PDZRN4: variants seen among roughly 807,000 people sequenced by gnomAD.
The protein encoded by PDZRN4 is PDZ domain-containing RING finger protein 4.
In PDZRN4, 70 loss-of-function variants were observed where a neutral mutation model predicts 99.0. The ratio of observed to expected loss-of-function variants is 0.71; its 90% CI spans 0.58 to 0.86. PDZRN4 has a LOEUF of 0.86. Ranked by LOEUF, PDZRN4 falls within the 40% of genes least tolerant of loss-of-function variation. The probability of loss-of-function intolerance (pLI) is 0.00; values close to 1 mark genes in which losing one functional copy is unlikely to be tolerated. For missense variants in PDZRN4, 1,474 were observed against 1,331.2 expected (o/e 1.11, Z -1.67); for synonymous variants, 551 against 501.6 (o/e 1.10, Z -1.32).
chr12:41,548,533 T>C (rs369679139), intron 5 of PDZRN4, among the ~76,000 whole-genome samples: 1 of 152,214 alleles, frequency 6.6e-6, no homozygotes, highest in South Asian at 2.1e-4. Flanking sequence ...TGTCAACTGA[T>C]ATAAACGGCT....
At position 41,552,751 on chromosome 12, in the gene PDZRN4, C is replaced by A; in HGVS notation, c.1299C>A (p.Ser433Arg). 1 of 1,611,692 alleles carries A rather than the reference C, an allele frequency of 6.2e-7. No individual in the cohort carries two copies. The highest frequency in any genetic ancestry group is 8.5e-7 in the Non-Finnish European group (1 of 1,178,120). Residue 433 changes from serine to arginine, a missense_variant, in exon 6 of 10, where the codon AGC becomes AGA. Coordinates refer to ENST00000402685, the MANE Select transcript of PDZRN4 (RefSeq NM_001164595.2). ...AAGAAGACACCGGCATTTATGTCAG[C>A]GAGGTAAGAAACGCCATGGAGGGGA... ...DDEEDTGIYV[S>R]EVDPNSIAAK...
chr12:41,266,449 T>G (rs1188809372), intron 3 of PDZRN4, among the ~76,000 whole-genome samples: 1 of 152,212 alleles, frequency 6.6e-6, no homozygotes, highest in Non-Finnish European at 1.5e-5. Context: ...GGAGCTGGAC[T>G]GCAATTTACA....
chr12:41,423,214 T>TATAC (rs1376366496), intron 3 of PDZRN4, among the ~76,000 whole-genome samples: 2 of 152,066 alleles, frequency 1.3e-5, no homozygotes, highest in African/African-American at 4.8e-5. Flanking sequence ...GTTACATGGG[T>TATAC]ATACACATGC....
intron 3 of PDZRN4, among the ~76,000 whole-genome samples, chr12:41,273,651 AG>A (rs1370904675): frequency 6.6e-6 from 1 of 152,078 alleles, no homozygotes; most frequent in African/African-American, 2.4e-5. Context: ...TTAAAGAAAA[AG>A]TATATTCAGT....
At chr12:41,235,976 C>A (rs1951064251) in intron 3 of PDZRN4, among the ~76,000 whole-genome samples, 1 of 152,092 alleles carries the variant, frequency 6.6e-6, no homozygotes, top group South Asian at 2.1e-4. Flanking sequence ...AAGTTAGTAA[C>A]TTAGCCATTT....
chr12:41,322,487 C>CTTTTTTTTTTTTTTTTTTTTTTTTTTT (rs71081724), intron 3 of PDZRN4, among the ~76,000 whole-genome samples: 1 of 91,210 alleles, frequency 1.1e-5, no homozygotes, highest in Non-Finnish European at 1.9e-5. Flanking sequence ...ATTTTCTTTC[C>CTTTTTTTTTTTTTTTTTTTTTTTTTTT]TTTTTTTTTT....
chr12:41,267,314 T>G (rs1390777476), intron 3 of PDZRN4, among the ~76,000 whole-genome samples: 1 of 152,126 alleles, frequency 6.6e-6, no homozygotes, highest in Non-Finnish European at 1.5e-5. Context: ...CTACTGAAAT[T>G]GATCAGAACC....
At chr12:41,462,132 A>T (rs975839367) in intron 3 of PDZRN4, among the ~76,000 whole-genome samples, 2 of 152,200 alleles carry the variant, frequency 1.3e-5, no homozygotes, top group Non-Finnish European at 2.9e-5. Context: ...TCTTTTCAAG[A>T]TTAAACACAA....
chr12:41,468,055 T>C (rs910080444), intron 3 of PDZRN4, among the ~76,000 whole-genome samples: 21 of 152,256 alleles, frequency 1.4e-4, no homozygotes, highest in African/African-American at 4.8e-4. Flanking sequence ...AGAAACCCCA[T>C]GGTCTTACAT....
chr12:41,387,172 A>T (rs927386315), intron 3 of PDZRN4, among the ~76,000 whole-genome samples: 2 of 152,220 alleles, frequency 1.3e-5, no homozygotes, highest in African/African-American at 4.8e-5. Flanking sequence ...CTATCAACAG[A>T]GTACATAACC....
chr12:41,249,489 G>T (rs1457221081), intron 3 of PDZRN4, among the ~76,000 whole-genome samples: 1 of 152,140 alleles, frequency 6.6e-6, no homozygotes, highest in East Asian at 1.9e-4. Context: ...CTGTGGTCTA[G>T]ATTTGTTGCT....
intron 5 of PDZRN4, among the ~76,000 whole-genome samples, chr12:41,539,116 G>A (rs901926685): frequency 9.9e-5 from 15 of 151,654 alleles, no homozygotes; most frequent in African/African-American, 2.2e-4. Flanking sequence ...TATATTATGC[G>A]TAAATATAAT....
intron 3 of PDZRN4, among the ~76,000 whole-genome samples, chr12:41,196,771 C>G (rs754078830): frequency 6.6e-6 from 1 of 151,956 alleles, no homozygotes. Context: ...GAGAAGAAAT[C>G]TATCAATTTA....
At chr12:41,431,930 T>C (rs1952589427) in intron 3 of PDZRN4, among the ~76,000 whole-genome samples, 1 of 152,162 alleles carries the variant, frequency 6.6e-6, no homozygotes, top group Non-Finnish European at 1.5e-5. Context: ...AAAACTAGAT[T>C]AGAATCAAAA....
At chr12:41,521,179 C>G (rs895003555) in intron 5 of PDZRN4, among the ~76,000 whole-genome samples, 1 of 152,188 alleles carries the variant, frequency 6.6e-6, no homozygotes, top group African/African-American at 2.4e-5. Flanking sequence ...CAGATATTCT[C>G]TTTTCATATT....
At chr12:41,241,235 G>A (rs1490048264) in intron 3 of PDZRN4, among the ~76,000 whole-genome samples, 4 of 152,116 alleles carry the variant, frequency 2.6e-5, no homozygotes, top group Non-Finnish European at 1.5e-5. Context: ...TTTTGCTGGT[G>A]CTCACAAGGT....
At chr12:41,228,447 A>G (rs1006451064) in intron 3 of PDZRN4, among the ~76,000 whole-genome samples, 10 of 152,112 alleles carry the variant, frequency 6.6e-5, no homozygotes, top group African/African-American at 2.2e-4. Context: ...TTAGTATTAT[A>G]TGAACTGTCT....
At chr12:41,490,498 T>C (rs909031780) in intron 3 of PDZRN4, among the ~76,000 whole-genome samples, 1 of 152,164 alleles carries the variant, frequency 6.6e-6, no homozygotes, top group African/African-American at 2.4e-5. Flanking sequence ...TACAAAGTAT[T>C]AGAAATAATT....
In PDZRN4 at chr12:41,574,639, G is replaced by C. The variant is rs1353981510; in HGVS notation, c.*749G>C. Reference sequence around the variant, plus strand: ...GTCCACAGTGGTTGACAGTTATAAAGTAGTTATATGTGTATACTATTTAGA... The same window carrying C: ...GTCCACAGTGGTTGACAGTTATAAACTAGTTATATGTGTATACTATTTAGA... On this transcript the variant is annotated 3_prime_UTR_variant, in exon 10 of 10. Transcript: ENST00000402685. 6.6e-6 allele frequency: 1 copy of C among 152,490 alleles called. No individual in the cohort carries two copies. Among genetic ancestry groups the C allele is most frequent in the Non-Finnish European group, 1.5e-5 (1 of 68,038 alleles). 9.4% of individuals were successfully genotyped at this position (152,490 alleles called of 1,614,324 possible).
Sources: gnomAD v4.1 joint callset for allele counts (sites outside exome capture counted in the v4.1 genomes callset) on GRCh38, gnomAD v4.1.1 for gene constraint, MANE v1.5 for transcripts, NCBI Gene and HGNC (gene_info 2026-07-23, HGNC 2026-07-21) for gene names.